The following UBAC2 variants were observed in gnomAD, a reference collection of about 807,000 sequenced individuals.
UBAC2 encodes the protein ubiquitin-associated domain-containing protein 2.
In UBAC2, 26 loss-of-function variants were observed where a neutral mutation model predicts 44.0. The ratio of observed to expected loss-of-function variants is 0.59; its 90% CI spans 0.43 to 0.82. The LOEUF (loss-of-function observed/expected upper bound fraction) is 0.82. Among genes scored for constraint, UBAC2 ranks in the 40% least tolerant of loss-of-function variants. The probability of loss-of-function intolerance (pLI) is 0.00; values close to 1 mark genes in which losing one functional copy is unlikely to be tolerated. For synonymous variants in UBAC2, 155 were observed against 154.3 expected (o/e 1.00, Z -0.04); for missense variants, 329 against 419.4 (o/e 0.78, Z 1.88).
chr13:99,342,158 G>C (rs2044900261), intron 7 of UBAC2, among the ~76,000 whole-genome samples: 1 of 152,206 alleles, frequency 6.6e-6, no homozygotes, highest in Admixed American at 6.5e-5. Flanking sequence ...CAGCAAGATG[G>C]GACAGAGGGA....
At chr13:99,273,491 A>T (rs11618564) in intron 4 of UBAC2, among the ~76,000 whole-genome samples, 1 of 152,138 alleles carries the variant, frequency 6.6e-6, no homozygotes, top group Admixed American at 6.5e-5. Context: ...GTTTCTTTAT[A>T]TGGTAGTTTG....
intron 1 of UBAC2, among the ~76,000 whole-genome samples, chr13:99,214,109 G>A (rs2042964572): frequency 6.6e-6 from 1 of 152,154 alleles, no homozygotes; most frequent in Non-Finnish European, 1.5e-5. Flanking sequence ...GTGAGCCACC[G>A]CACCTGGCCT....
intron 4 of UBAC2, among the ~76,000 whole-genome samples, chr13:99,275,407 A>G (rs570569723): frequency 6.6e-6 from 1 of 152,236 alleles, no homozygotes; most frequent in African/African-American, 2.4e-5. Context: ...ATGTGTGGTG[A>G]TATATTTTTG....
intron 5 of UBAC2, among the ~76,000 whole-genome samples, 199 bp downstream of exon 5, chr13:99,314,419 C>T (rs2044459819): frequency 6.6e-6 from 1 of 152,102 alleles, no homozygotes; most frequent in Non-Finnish European, 1.5e-5. Context: ...AGAATACTTT[C>T]ATAGTCTTTA....
intron 1 of UBAC2, among the ~76,000 whole-genome samples, chr13:99,216,808 G>A (rs1477475864): frequency 2.0e-5 from 3 of 150,280 alleles, no homozygotes; most frequent in Non-Finnish European, 3.0e-5. Flanking sequence ...TGGTTTTGTC[G>A]TTTTTGTTGG....
chr13:99,275,303 C>T (rs1044032906), intron 4 of UBAC2, among the ~76,000 whole-genome samples: 5 of 152,150 alleles, frequency 3.3e-5, no homozygotes, highest in Non-Finnish European at 4.4e-5. Context: ...CTCCTCACCA[C>T]GGAGCTGCCT....
chr13:99,207,406 A>G (rs1474898682), intron 1 of UBAC2, among the ~76,000 whole-genome samples: 2 of 151,666 alleles, frequency 1.3e-5, no homozygotes, highest in Non-Finnish European at 2.9e-5. Flanking sequence ...CCATCCAACA[A>G]CTCTATCATG....
chr13:99,334,012 A>G (rs2044752858), intron 6 of UBAC2, among the ~76,000 whole-genome samples: 1 of 152,208 alleles, frequency 6.6e-6, no homozygotes, highest in South Asian at 2.1e-4. Flanking sequence ...CATTGGTGCA[A>G]TCATAGCTCA....
At chr13:99,217,423 C>T (rs1409724265) in intron 1 of UBAC2, among the ~76,000 whole-genome samples, 1 of 152,224 alleles carries the variant, frequency 6.6e-6, no homozygotes, top group Non-Finnish European at 1.5e-5. Context: ...CTTTCTCCAA[C>T]CCAGACCCAC....
At chr13:99,204,658 A>C (rs1046225195) in intron 1 of UBAC2, among the ~76,000 whole-genome samples, 5 of 152,020 alleles carry the variant, frequency 3.3e-5, no homozygotes, top group African/African-American at 1.2e-4. Flanking sequence ...AGAGATTTTC[A>C]AAACGGGCCT....
At chr13:99,276,982 A>T (rs774410120) in intron 4 of UBAC2, among the ~76,000 whole-genome samples, 6 of 152,130 alleles carry the variant, frequency 3.9e-5, no homozygotes, top group Non-Finnish European at 8.8e-5. Flanking sequence ...ACCTTTGGGA[A>T]GTCAAATGTT....
chr13:99,252,135 AGCTTTCTTC>A (rs1247577102), intron 4 of UBAC2, among the ~76,000 whole-genome samples: 1 of 152,238 alleles, frequency 6.6e-6, no homozygotes, highest in Non-Finnish European at 1.5e-5. Context: ...CTGGTCATCC[AGCTTTCTTC>A]GCTTGCTACG....
chr13:99,242,536 C>T lies in UBAC2; in HGVS notation c.160-1296C>T, dbSNP rs1273219243. On this transcript the variant is annotated intron_variant, in intron 2 of 8. Transcript: ENST00000403766. ...CCCCCCACCTCCCTCCCGGACGGGG[C>T]GGCTGTCCGGGCAGAGGGGCTCCTC... 1.6e-4 allele frequency among the ~76,000 whole-genome samples: 21 copies of T among 134,866 alleles called. 1 individual carries two copies. Among genetic ancestry groups the T allele is most frequent in the South Asian group, 1.0e-3 (4 of 3,936 alleles). 88.5% of individuals were successfully genotyped at this position (134,866 alleles called of 152,430 possible).
chr13:99,349,506 G>A (rs1396249954), intron 7 of UBAC2, among the ~76,000 whole-genome samples: 1 of 152,154 alleles, frequency 6.6e-6, no homozygotes, highest in Admixed American at 6.5e-5. Context: ...GGCTGGGTGC[G>A]CTGATATTTA....
chr13:99,243,978 C>G (rs1304619340), intron 3 of UBAC2, 27 bp downstream of exon 3: 1 of 1,484,630 alleles, frequency 6.7e-7, no homozygotes, highest in Admixed American at 2.8e-5. Context: ...TTTGTCTTTG[C>G]TACTTAGGCT....
intron 8 of UBAC2, among the ~76,000 whole-genome samples, chr13:99,377,932 C>A (rs2045502478): frequency 1.3e-5 from 2 of 152,226 alleles, no homozygotes; most frequent in South Asian, 2.1e-4. Flanking sequence ...TCCCTGCCAC[C>A]CTGCGCTGGA....
rs1232816332 is a variant in UBAC2 at position 99,290,131 on chromosome 13, G to A, written c.390-23966G>A. Among the ~76,000 whole-genome samples, 4 of 152,170 alleles carry A rather than the reference G, an allele frequency of 2.6e-5. No individual in the cohort carries two copies. In the South Asian group the frequency reaches 6.2e-4, roughly 24 times the overall value. Reference sequence around the variant, plus strand: ...CCCCACTTGCTGACTGTGTGACCGTGGGCAAGTTACTCAACCTCTCTGGAG... The same window carrying A: ...CCCCACTTGCTGACTGTGTGACCGTAGGCAAGTTACTCAACCTCTCTGGAG... On this transcript the variant is annotated intron_variant, in intron 4 of 8. Coordinates refer to ENST00000403766, the MANE Select transcript of UBAC2 (RefSeq NM_001144072.2).
intron 7 of UBAC2, chr13:99,356,158 G>A (rs781173255): frequency 1.9e-6 from 1 of 534,648 alleles, no homozygotes; most frequent in Non-Finnish European, 3.8e-6. Context: ...CCCTTGCAGG[G>A]GCTGTTGGGT....
In UBAC2 at chr13:99,243,949, G is replaced by A. The variant is rs569425610; in HGVS notation, c.277G>A (p.Ala93Thr). The A allele has an allele frequency of 4.6e-6, 7 of 1,528,794 alleles. No homozygotes were observed. The highest frequency in any genetic ancestry group is 6.1e-6 in the Non-Finnish European group (7 of 1,139,678). 94.7% of individuals were successfully genotyped at this position (1,528,794 alleles called of 1,614,324 possible). The change falls in exon 3 of 9, where the codon GCA becomes ACA. Residue 93 changes from alanine to threonine, a missense_variant and splice_region_variant. By Grantham distance (58) the Ala-to-Thr change is moderately conservative. Transcript: ENST00000403766. The stretch of plus-strand genomic sequence containing the variant: ...AAGAAGATATGGAAGCAGAAAATTT[G>A]CAGTAAGTTTTTATGTATTTTGTCT... ...FERRYGSRKF[A>T]SFLLGSWVLS...
Sources: allele counts gnomAD v4.1 joint callset (sites outside exome capture counted in the v4.1 genomes callset), GRCh38; gene constraint gnomAD v4.1.1; transcripts MANE v1.5; gene names NCBI Gene and HGNC (gene_info 2026-07-23, HGNC 2026-07-21).